Variants in CPED1 observed in about 807,000 individuals in gnomAD.
CPED1 encodes cadherin like and PC-esterase domain containing 1, also known as cadherin-like and PC-esterase domain-containing protein 1.
CPED1 carries 114 observed loss-of-function variants against 128.2 expected under a neutral mutation model. That is an observed-to-expected ratio of 0.89 (90% CI 0.76 to 1.04). CPED1 has a LOEUF of 1.04. CPED1 is among the 50% of genes least tolerant of loss of function. CPED1 has a pLI of 0.00. For missense variants in CPED1, 1,211 were observed against 1,207.1 expected, an observed-to-expected ratio of 1.00 and a Z score of -0.05; for synonymous variants, 462 against 426.7, an observed-to-expected ratio of 1.08 and a Z score of -1.02.
intron 12 of CPED1, among the ~76,000 whole-genome samples, chr7:121,132,239 G>T (rs1056693202): frequency 2.6e-5 from 4 of 152,000 alleles, no homozygotes; most frequent in African/African-American, 9.7e-5. Context: ...GTTTGTTCAG[G>T]TTACAAAGCT....
At chr7:121,054,688 T>C (rs956813377) in intron 4 of CPED1, among the ~76,000 whole-genome samples, 4 of 150,704 alleles carry the variant, frequency 2.7e-5, no homozygotes, top group East Asian at 3.9e-4. Flanking sequence ...TTAATTTGCA[T>C]GTAGTAAAAT....
At chr7:121,161,771 T>G (rs944942555) in intron 16 of CPED1, among the ~76,000 whole-genome samples, 2 of 152,134 alleles carry the variant, frequency 1.3e-5, no homozygotes, top group Admixed American at 1.3e-4. Flanking sequence ...TTTTAATAAC[T>G]GGCAATTACT....
At chr7:121,094,403 T>C (rs1563023179) in intron 5 of CPED1, among the ~76,000 whole-genome samples, 1 of 152,206 alleles carries the variant, frequency 6.6e-6, no homozygotes, top group Non-Finnish European at 1.5e-5. Context: ...CAGTGTTTAA[T>C]ATTTGACTGT....
At chr7:121,247,770 G>C (rs1798570543) in intron 18 of CPED1, among the ~76,000 whole-genome samples, 1 of 152,170 alleles carries the variant, frequency 6.6e-6, no homozygotes, top group Non-Finnish European at 1.5e-5. Context: ...AGGGGCCTTA[G>C]TGCACAACAC....
At chr7:121,170,423 T>G (rs1796626173) in intron 16 of CPED1, among the ~76,000 whole-genome samples, 2 of 152,066 alleles carry the variant, frequency 1.3e-5, no homozygotes, top group African/African-American at 2.4e-5. Flanking sequence ...CTGTATAAAT[T>G]TAGGGTCTTT....
intron 16 of CPED1, among the ~76,000 whole-genome samples, chr7:121,173,380 T>C (rs1796698588): frequency 6.6e-6 from 1 of 152,142 alleles, no homozygotes. Context: ...CCGATAGTTA[T>C]CTTTTCTGCT....
In CPED1 at chr7:121,133,834, C is replaced by A; in HGVS notation, c.1589C>A (p.Thr530Lys). Residue 530 changes from threonine to lysine, a missense_variant, in exon 13 of 23, where the codon ACA becomes AAA. By Grantham distance (78) the Thr-to-Lys change is moderately conservative (BLOSUM62 -1). Coordinates refer to ENST00000310396, the MANE Select transcript of CPED1 (RefSeq NM_024913.5). ...CATTGCATTTGCAGGAATTCTTTCA[C>A]AGAAGATAAGAACATTGAAAAACCA... ...QPHPLEWNSF[T>K]EDKNIEKPQV... The A allele has an allele frequency of 2.5e-6, 4 of 1,598,148 alleles. No homozygotes were observed. Among genetic ancestry groups the A allele is most frequent in the Non-Finnish European group, 3.4e-6 (4 of 1,171,836 alleles).
rs140228424 is a variant in CPED1 at position 121,016,889 on chromosome 7, G to A, written c.433+1041G>A. Among the ~76,000 whole-genome samples the A allele has an allele frequency of 1.2e-3, 176 of 152,302 alleles. 1 individual carries two copies. Among genetic ancestry groups the A allele is most frequent in the African/African-American group, 4.0e-3 (167 of 41,570 alleles). On this transcript the variant is annotated intron_variant, in intron 3 of 22. Coordinates refer to ENST00000310396, the MANE Select transcript of CPED1 (RefSeq NM_024913.5). Reference sequence around the variant, plus strand: ...CTCTCAGCCATTGGTTCCTTTGGGGGAGAAGAGTCAGATCCTGGTATTACA... The same window carrying A: ...CTCTCAGCCATTGGTTCCTTTGGGGAAGAAGAGTCAGATCCTGGTATTACA...
chr7:121,116,006 T>A (rs1795227151), intron 7 of CPED1, among the ~76,000 whole-genome samples: 1 of 152,174 alleles, frequency 6.6e-6, no homozygotes, highest in African/African-American at 2.4e-5. Flanking sequence ...AGGTTGAATA[T>A]AATGCAATCA....
chr7:121,090,794 C>G (rs189918184), intron 5 of CPED1, among the ~76,000 whole-genome samples: 1 of 151,854 alleles, frequency 6.6e-6, no homozygotes, highest in African/African-American at 2.4e-5. Context: ...ATTAAAAATA[C>G]AAAAATTAAC....
chr7:121,265,157 C>G (rs1168142347), intron 18 of CPED1, among the ~76,000 whole-genome samples: 2 of 152,026 alleles, frequency 1.3e-5, no homozygotes, highest in Admixed American at 6.6e-5. Context: ...TAAGGAAAAG[C>G]AGATGTTGAA....
intron 3 of CPED1, among the ~76,000 whole-genome samples, chr7:121,042,738 A>G (rs1233014172): frequency 6.6e-6 from 1 of 152,224 alleles, no homozygotes; most frequent in Non-Finnish European, 1.5e-5. Flanking sequence ...GATAAATGAG[A>G]TAATACAAAT....
At chr7:121,094,683 C>T (rs2116201657) in intron 5 of CPED1, among the ~76,000 whole-genome samples, 1 of 152,218 alleles carries the variant, frequency 6.6e-6, no homozygotes. Flanking sequence ...TGTCACAAGC[C>T]TATTAATTGT....
At chr7:121,179,516 C>A (rs1026946974) in intron 16 of CPED1, among the ~76,000 whole-genome samples, 1 of 152,106 alleles carries the variant, frequency 6.6e-6, no homozygotes, top group South Asian at 2.1e-4. Flanking sequence ...ACGTTTCTGG[C>A]ATATTCTTCT....
chr7:121,088,794 T>TAAAAAAAAAAAAAAAAAA (rs1794508617), intron 5 of CPED1, among the ~76,000 whole-genome samples: 2 of 54,762 alleles, frequency 3.7e-5, no homozygotes, highest in Non-Finnish European at 7.5e-5. Context: ...AAAAAAAAAT[T>TAAAAAAAAAAAAAAAAAA]GAAAGTGTAA....
intron 16 of CPED1, among the ~76,000 whole-genome samples, chr7:121,214,224 C>G (rs552553000): frequency 6.6e-6 from 1 of 152,120 alleles, no homozygotes; most frequent in East Asian, 1.9e-4. Flanking sequence ...AAACTCACAT[C>G]TTTCTCTGTG....
At chr7:121,059,484 C>T (rs77287762) in intron 4 of CPED1, among the ~76,000 whole-genome samples, 2,099 of 152,162 alleles carry the variant, frequency 0.014, 51 homozygotes, top group African/African-American at 0.048. Context: ...GGAAAAAGAG[C>T]ATTTCTCTAA....
intron 13 of CPED1, among the ~76,000 whole-genome samples, chr7:121,134,597 T>A (rs748999666): frequency 6.6e-6 from 1 of 152,104 alleles, no homozygotes; most frequent in Admixed American, 6.6e-5. Flanking sequence ...TTGAATGATC[T>A]CATCACAAAG....
intron 7 of CPED1, among the ~76,000 whole-genome samples, chr7:121,107,807 CT>C (rs1795015083): frequency 6.6e-6 from 1 of 151,948 alleles, no homozygotes; most frequent in African/African-American, 2.4e-5. Context: ...TAACAATATC[CT>C]TTATTCCTTG....
Sources: allele counts gnomAD v4.1 joint callset (sites outside exome capture counted in the v4.1 genomes callset), GRCh38; gene constraint gnomAD v4.1.1; transcripts MANE v1.5; gene names NCBI Gene and HGNC (gene_info 2026-07-23, HGNC 2026-07-21).